The following FER variants were observed in gnomAD, a reference collection of about 807,000 sequenced individuals.
FER encodes the protein FER tyrosine kinase, also known as tyrosine-protein kinase Fer.
In FER, 63 loss-of-function variants were observed where a neutral mutation model predicts 111.0. That is an observed-to-expected ratio of 0.57 (90% CI 0.46 to 0.70). The LOEUF (loss-of-function observed/expected upper bound fraction) is 0.70. Among genes scored for constraint, FER ranks in the 30% least tolerant of loss-of-function variants. The probability of loss-of-function intolerance (pLI) is 0.00; values close to 1 mark genes in which losing one functional copy is unlikely to be tolerated. For missense variants in FER, 914 were observed against 954.0 expected (o/e 0.96, Z 0.55); for synonymous variants, 327 against 313.9 (o/e 1.04, Z -0.44).
chr5:109,147,154 T>A (rs10074158), intron 17 of FER, among the ~76,000 whole-genome samples: 41,768 of 151,630 alleles, frequency 0.28, 5,874 homozygotes, highest in Middle Eastern at 0.3. Flanking sequence ...CAAATTGAAC[T>A]TATTAATATA....
chr5:108,899,833 G>A (rs1019405943), intron 10 of FER, among the ~76,000 whole-genome samples: 4 of 151,864 alleles, frequency 2.6e-5, no homozygotes, highest in African/African-American at 9.7e-5. Context: ...TGATCATCTG[G>A]AGTTTAATAT....
intron 11 of FER, among the ~76,000 whole-genome samples, chr5:108,947,775 CTTTG>C (rs147531415): frequency 0.01 from 1,569 of 151,542 alleles, 19 homozygotes; most frequent in African/African-American, 0.036. Flanking sequence ...GATAATTCAT[CTTTG>C]TTTGTTTTCT....
rs761917095 is a variant in FER, at chr5:109,187,581, G to A, written c.*6G>A. On this transcript the variant is annotated 3_prime_UTR_variant, in exon 20 of 20. Coordinates refer to ENST00000281092, the MANE Select transcript of FER (RefSeq NM_005246.4). ...TCAAGAGAAAACTCACATAGTGACA[G>A]GATGGCGCCAAACTCAGCCTTCAGG... 5 of 1,614,012 alleles carry A rather than the reference G, an allele frequency of 3.1e-6. No homozygotes were observed. Among genetic ancestry groups the A allele is most frequent in the Non-Finnish European group, 4.2e-6 (5 of 1,179,976 alleles).
At chr5:108,901,847 A>G (rs904860132) in intron 10 of FER, among the ~76,000 whole-genome samples, 1 of 152,124 alleles carries the variant, frequency 6.6e-6, no homozygotes, top group East Asian at 1.9e-4. Flanking sequence ...ACCACTCAGG[A>G]GTTTGAGGTA....
At chr5:109,044,906 C>G (rs1385760445) in intron 15 of FER, 111 bp downstream of exon 15, 1 of 577,096 alleles carries the variant, frequency 1.7e-6, no homozygotes, top group African/African-American at 1.9e-5. Flanking sequence ...GGGGTAAGCA[C>G]TTTTACAGTA....
chr5:108,852,358 A>T (rs894290348), intron 5 of FER, among the ~76,000 whole-genome samples: 1 of 152,170 alleles, frequency 6.6e-6, no homozygotes, highest in Non-Finnish European at 1.5e-5. Context: ...CTTGAGACAG[A>T]TGGTTAAATT....
intron 17 of FER, among the ~76,000 whole-genome samples, chr5:109,140,604 G>A (rs553184335): frequency 3.2e-4 from 48 of 152,292 alleles, no homozygotes; most frequent in African/African-American, 9.4e-4. Context: ...ACAAAAGCCT[G>A]TTAAAATGAT....
chr5:108,859,182 A>G (rs1217250091), intron 5 of FER, among the ~76,000 whole-genome samples: 2 of 152,178 alleles, frequency 1.3e-5, no homozygotes, highest in Admixed American at 6.5e-5. Context: ...TAGATGAGAC[A>G]TAGTATCTCA....
intron 17 of FER, among the ~76,000 whole-genome samples, chr5:109,124,587 TTTGTTGTTG>T (rs148987260): frequency 0.011 from 1,606 of 150,166 alleles, 17 homozygotes; most frequent in Middle Eastern, 0.038. Context: ...TTTTAATAGT[TTTGTTGTTG>T]TTGTTGTTGT....
chr5:109,139,349 TC>T (rs375617310), intron 17 of FER, among the ~76,000 whole-genome samples: 4 of 87,290 alleles, frequency 4.6e-5, no homozygotes, highest in Admixed American at 1.6e-4. Context: ...CTTCTTTCTT[TC>T]TTTTTTTTTT....
intron 3 of FER, among the ~76,000 whole-genome samples, chr5:108,800,475 T>C (rs1412523486): frequency 6.6e-6 from 1 of 152,056 alleles, no homozygotes; most frequent in South Asian, 2.1e-4. Context: ...CTCAGCTTTC[T>C]AGGGAGCTGG....
At chr5:109,181,256 T>G (rs1047270743) in intron 18 of FER, among the ~76,000 whole-genome samples, 1 of 152,240 alleles carries the variant, frequency 6.6e-6, no homozygotes, top group Admixed American at 6.5e-5. Flanking sequence ...TAACCTCATC[T>G]GATGTTAGGT....
intron 5 of FER, among the ~76,000 whole-genome samples, chr5:108,853,869 ATTG>A (rs1289459205): frequency 6.6e-6 from 1 of 152,286 alleles, no homozygotes; most frequent in South Asian, 2.1e-4. Flanking sequence ...TAACAGGATA[ATTG>A]TTGTAACCTT....
intron 17 of FER, among the ~76,000 whole-genome samples, chr5:109,160,201 T>C (rs2126734256): frequency 6.6e-6 from 1 of 152,252 alleles, no homozygotes. Flanking sequence ...AGGTAACTCT[T>C]AGGATTCAGT....
chr5:108,814,476 A>C (rs1297842615), intron 3 of FER, among the ~76,000 whole-genome samples: 1 of 152,204 alleles, frequency 6.6e-6, no homozygotes, highest in Non-Finnish European at 1.5e-5. Context: ...TACAGGATAA[A>C]AAAAGATCAT....
intron 11 of FER, among the ~76,000 whole-genome samples, chr5:108,954,198 T>C (rs1207838662): frequency 1.3e-5 from 2 of 152,014 alleles, no homozygotes; most frequent in Non-Finnish European, 2.9e-5. Flanking sequence ...AGGTAATGGT[T>C]AAGGAAGTCA....
chr5:108,774,875 G>C (rs1467040274), intron 2 of FER, among the ~76,000 whole-genome samples: 1 of 151,926 alleles, frequency 6.6e-6, no homozygotes, highest in Non-Finnish European at 1.5e-5. Context: ...TTCTTTCACT[G>C]TGCAGAAGCT....
intron 13 of FER, among the ~76,000 whole-genome samples, chr5:109,033,751 A>T (rs1275156438): frequency 2.0e-5 from 3 of 152,018 alleles, no homozygotes; most frequent in Non-Finnish European, 2.9e-5. Flanking sequence ...ACTATCCACA[A>T]ATTCTGATCA....
At chr5:108,939,507 C>T (rs1009703565) in intron 10 of FER, among the ~76,000 whole-genome samples, 7 of 152,062 alleles carry the variant, frequency 4.6e-5, no homozygotes, top group East Asian at 3.9e-4. Flanking sequence ...GTTTTCATTT[C>T]GCAGCTCTAC....
Sources: gnomAD v4.1 joint callset for allele counts (sites outside exome capture counted in the v4.1 genomes callset) on GRCh38, gnomAD v4.1.1 for gene constraint, MANE v1.5 for transcripts, NCBI Gene and HGNC (gene_info 2026-07-23, HGNC 2026-07-21) for gene names.